The following SLC12A2 variants were observed in gnomAD, a reference collection of about 807,000 sequenced individuals.
SLC12A2 encodes solute carrier family 12 member 2.
A neutral mutation model predicts 136.3 loss-of-function variants in SLC12A2; 67 were observed. The ratio of observed to expected loss-of-function variants is 0.49; its 90% CI spans 0.40 to 0.60. The LOEUF is 0.60. Among genes scored for constraint, SLC12A2 ranks in the 20% least tolerant of loss-of-function variants. The probability of loss-of-function intolerance (pLI) is 0.00; values close to 1 mark genes in which losing one functional copy is unlikely to be tolerated. For synonymous variants in SLC12A2, 619 were observed against 562.9 expected, an observed-to-expected ratio of 1.10 and a Z score of -1.41; for missense variants, 1,322 against 1,534.7, an observed-to-expected ratio of 0.86 and a Z score of 2.32.
rs763565920 is a variant in SLC12A2 at position 128,180,937 on chromosome 5, G to A, written c.3155G>A (p.Cys1052Tyr). 1 of 1,612,900 alleles carries A rather than the reference G, an allele frequency of 6.2e-7. No individual in the cohort carries two copies. The highest frequency in any genetic ancestry group is 1.7e-5 in the Admixed American group (1 of 59,988). Residue 1052 changes from cysteine to tyrosine, a missense_variant, in exon 23 of 27, where the codon TGT becomes TAT. Coordinates refer to ENST00000262461, the MANE Select transcript of SLC12A2 (RefSeq NM_001046.3). Reference protein sequence around the residue: ...LLTTKKKWKDCKIRVFIGGKI... With the variant: ...LLTTKKKWKDYKIRVFIGGKI... ...ACGACCAAGAAAAAATGGAAAGACTGTAAGATCAGAGTATTCATTGGTGGA... is the reference window on the plus strand; with the variant it reads ...ACGACCAAGAAAAAATGGAAAGACTATAAGATCAGAGTATTCATTGGTGGA...
intron 9 of SLC12A2, among the ~76,000 whole-genome samples, chr5:128,140,887 A>C (rs1762343972): frequency 6.6e-6 from 1 of 151,962 alleles, no homozygotes; most frequent in African/African-American, 2.4e-5. Context: ...ATTGAAAAAC[A>C]AAGAACTGTA....
intron 1 of SLC12A2, among the ~76,000 whole-genome samples, chr5:128,103,632 C>T (rs965162717): frequency 1.3e-5 from 2 of 151,866 alleles, no homozygotes. Context: ...ATAAACGGGA[C>T]TAAGAAGAAA....
chr5:128,113,095 C>CT (rs1268455848), intron 2 of SLC12A2, among the ~76,000 whole-genome samples, 162 bp downstream of exon 2: 1 of 152,164 alleles, frequency 6.6e-6, no homozygotes, highest in East Asian at 1.9e-4. Context: ...ACCTCCTTTG[C>CT]TTTTGGATAT....
At chr5:128,142,287 A>T (rs1762393523) in intron 10 of SLC12A2, among the ~76,000 whole-genome samples, 2 of 151,906 alleles carry the variant, frequency 1.3e-5, no homozygotes, top group African/African-American at 4.8e-5. Flanking sequence ...ATTTTTAGTA[A>T]GGATGGGGTT....
Position 128,161,720 on chromosome 5 carries a change from C to A in SLC12A2, c.2536C>A (p.Leu846Ile). The A allele has an allele frequency of 6.5e-7, 1 of 1,535,472 alleles. No individual in the cohort carries two copies. Among genetic ancestry groups the A allele is most frequent in the Non-Finnish European group, 8.7e-7 (1 of 1,143,186 alleles). Residue 846 changes from leucine to isoleucine, a missense_variant, in exon 17 of 27, where the codon CTT (leucine) becomes ATT (isoleucine). By Grantham distance (5) the Leu-to-Ile change is conservative. Transcript: ENST00000262461. Reference protein sequence around the residue: ...SIDQAKYQRWLIKNKMKAFYA... With the variant: ...SIDQAKYQRWIIKNKMKAFYA... Reference sequence around the variant, plus strand: ...CGATCAAGCCAAATATCAGCGATGGCTTATTAAGAACAAAATGAAGGCATT... The same window carrying A: ...CGATCAAGCCAAATATCAGCGATGGATTATTAAGAACAAAATGAAGGCATT...
chr5:128,185,932 T>C (rs1174476539), intron 26 of SLC12A2, among the ~76,000 whole-genome samples: 2 of 152,100 alleles, frequency 1.3e-5, no homozygotes, highest in African/African-American at 4.8e-5. Context: ...TATGTTAAGC[T>C]GGGCATGGTG....
chr5:128,141,791 A>G, intron 9 of SLC12A2, 39 bp from the exon 10 acceptor site: 2 of 1,556,182 alleles, frequency 1.3e-6, no homozygotes, highest in Non-Finnish European at 1.7e-6. Flanking sequence ...ATGAATGTAG[A>G]TATTAACTAT....
intron 15 of SLC12A2, among the ~76,000 whole-genome samples, chr5:128,156,065 C>A (rs1013805747): frequency 2.6e-5 from 4 of 152,098 alleles, no homozygotes; most frequent in Non-Finnish European, 5.9e-5. Context: ...GGTTCAGGGA[C>A]AGTGGCAATG....
At chr5:128,176,067 T>C (rs1268001461) in intron 20 of SLC12A2, among the ~76,000 whole-genome samples, 1 of 152,020 alleles carries the variant, frequency 6.6e-6, no homozygotes, top group African/African-American at 2.4e-5. Flanking sequence ...TCTTCAGAAT[T>C]AGAGACATTA....
chr5:128,103,974 A>G (rs1261095721), intron 1 of SLC12A2, among the ~76,000 whole-genome samples: 1 of 152,218 alleles, frequency 6.6e-6, no homozygotes, highest in Non-Finnish European at 1.5e-5. Flanking sequence ...CCTTTTCTTT[A>G]ATCATGTCAA....
intron 1 of SLC12A2, among the ~76,000 whole-genome samples, chr5:128,086,848 TCTGTCTAAATTGAC>T (rs1760118395): frequency 1.3e-5 from 2 of 152,212 alleles, no homozygotes. Context: ...TGTCCCTTAC[TCTGTCTAAATTGAC>T]TTCTACCTCT....
chr5:128,097,863 A>T (rs992747277), intron 1 of SLC12A2, among the ~76,000 whole-genome samples: 2 of 152,010 alleles, frequency 1.3e-5, no homozygotes, highest in African/African-American at 4.8e-5. Flanking sequence ...CACTTCTTGT[A>T]ATGGAGGTCA....
At chr5:128,126,720 G>A (rs1044861307) in intron 4 of SLC12A2, among the ~76,000 whole-genome samples, 5 of 151,876 alleles carry the variant, frequency 3.3e-5, no homozygotes, top group African/African-American at 1.2e-4. Flanking sequence ...GTGACTAGAA[G>A]TGTTGAGAAT....
rs1762170046 is a variant in SLC12A2, at chr5:128,135,783, G to A, written c.1383G>A (p.Lys461=). The change falls in exon 7 of 27, where the codon AAG becomes AAA. Residue 461 remains lysine (K), a synonymous_variant. Transcript: ENST00000262461. ...IGTFIPLESK[K]PKGFFGYKSE... The stretch of plus-strand genomic sequence containing the variant: ...CATTTATCCCACTGGAGAGCAAGAA[G>A]CCAAAAGGGTTTTTTGGTTATAAAT... 1 of 1,607,950 alleles carries A rather than the reference G, an allele frequency of 6.2e-7. No individual in the cohort carries two copies. Among genetic ancestry groups the A allele is most frequent in the Admixed American group, 1.7e-5 (1 of 59,920 alleles).
intron 24 of SLC12A2, 146 bp from the exon 25 acceptor site, chr5:128,184,220 C>T: frequency 2.0e-6 from 1 of 494,334 alleles, no homozygotes; most frequent in Non-Finnish European, 3.5e-6. Flanking sequence ...AATAAATTGC[C>T]AAACTGATTA....
At chr5:128,124,908 G>A (rs879704301) in intron 4 of SLC12A2, among the ~76,000 whole-genome samples, 2 of 152,100 alleles carry the variant, frequency 1.3e-5, no homozygotes, top group Non-Finnish European at 2.9e-5. Context: ...CCTTATTACC[G>A]TAAACTGAGG....
intron 21 of SLC12A2, chr5:128,177,401 C>T (rs114817771): frequency 8.9e-5 from 26 of 293,198 alleles, no homozygotes; most frequent in South Asian, 6.1e-4. Context: ...CCCAGACAGC[C>T]GGTATTAATT....
At chr5:128,180,335 T>G (rs1327764214) in intron 22 of SLC12A2, among the ~76,000 whole-genome samples, 1 of 152,098 alleles carries the variant, frequency 6.6e-6, no homozygotes. Context: ...TTTTGCACTT[T>G]CCCTTCACAG....
At position 128,158,068 on chromosome 5, in the gene SLC12A2, T is replaced by C; in HGVS notation, c.2379T>C (p.Val793=). 1 of 1,613,026 alleles carries C rather than the reference T, an allele frequency of 6.2e-7. No individual in the cohort carries two copies. Among genetic ancestry groups the C allele is most frequent in the East Asian group, 2.2e-5 (1 of 44,858 alleles). The change falls in exon 16 of 27, where the codon GTT becomes GTC. Residue 793 remains valine (V), a synonymous_variant. Transcript: ENST00000262461. ...HVKNFRPQCL[V]MTGAPNSRPA... Reference sequence around the variant, plus strand: ...CTTAAATTAGGCCACAGTGTCTTGTTATGACAGGTGCTCCAAACTCACGTC... The same window carrying C: ...CTTAAATTAGGCCACAGTGTCTTGTCATGACAGGTGCTCCAAACTCACGTC...
Sources: allele counts gnomAD v4.1 joint callset (sites outside exome capture counted in the v4.1 genomes callset), GRCh38; gene constraint gnomAD v4.1.1; transcripts MANE v1.5; gene names NCBI Gene and HGNC (gene_info 2026-07-23, HGNC 2026-07-21).